The following KIAA1671 variants were observed in gnomAD, a reference collection of about 807,000 sequenced individuals.
KIAA1671 encodes uncharacterized protein KIAA1671.
In KIAA1671, 52 loss-of-function variants were observed where a neutral mutation model predicts 131.2. The ratio of observed to expected loss-of-function variants is 0.40; its 90% CI spans 0.32 to 0.50. KIAA1671 has a LOEUF of 0.50. Ranked by LOEUF, KIAA1671 falls within the 20% of genes least tolerant of loss-of-function variation. The probability of loss-of-function intolerance (pLI) is 0.73; values close to 1 mark genes in which losing one functional copy is unlikely to be tolerated. For missense variants in KIAA1671, 2,360 were observed against 2,364.2 expected (o/e 1.00, Z 0.04); for synonymous variants, 1,003 against 961.6 (o/e 1.04, Z -0.80).
chr22:25,000,209 T>TAA (rs1241803812), intron 1 of KIAA1671, among the ~76,000 whole-genome samples: 6 of 72,268 alleles, frequency 8.3e-5, no homozygotes, highest in Non-Finnish European at 1.2e-4. Context: ...TTTTTTTTTT[T>TAA]TTGAGACGGA....
At chr22:25,189,126 C>CTTTTTTTTTTTTTTTTTTT (rs200226589) in intron 11 of KIAA1671, among the ~76,000 whole-genome samples, 28 of 114,858 alleles carry the variant, frequency 2.4e-4, no homozygotes, top group African/African-American at 4.0e-4. Flanking sequence ...CAGTCTTTTT[C>CTTTTTTTTTTTTTTTTTTT]TTTTTTTTTT....
intron 5 of KIAA1671, among the ~76,000 whole-genome samples, chr22:25,048,570 C>A (rs547875145): frequency 6.6e-6 from 1 of 152,084 alleles, no homozygotes; most frequent in Non-Finnish European, 1.5e-5. Flanking sequence ...TCCTTGTCCA[C>A]GCAGGGAGAG....
At chr22:24,974,264 G>T (rs757969977) in intron 1 of KIAA1671, among the ~76,000 whole-genome samples, 1 of 152,144 alleles carries the variant, frequency 6.6e-6, no homozygotes, top group Non-Finnish European at 1.5e-5. Flanking sequence ...CATTGGGCAG[G>T]TCTCACCCCC....
At chr22:24,994,750 A>C (rs2123852158) in intron 1 of KIAA1671, among the ~76,000 whole-genome samples, 1 of 152,256 alleles carries the variant, frequency 6.6e-6, no homozygotes, top group Admixed American at 6.5e-5. Flanking sequence ...CTCTTTAGGC[A>C]TGTAAGGATC....
In KIAA1671 at chr22:25,197,192, C is replaced by T. The variant is rs541254835; in HGVS notation, c.*4791C>T. ...TCCAGTCCCAGAAAGAATCTCTAAC[C>T]GTGTGACTGAGAAGTCATCTAGAAA... On this transcript the variant is annotated 3_prime_UTR_variant, in exon 13 of 13. Coordinates refer to ENST00000358431, the MANE Select transcript of KIAA1671 (RefSeq NM_001145206.2). 2.6e-5 allele frequency: 4 copies of T among 152,150 alleles called. No individual in the cohort carries two copies. The highest frequency in any genetic ancestry group is 4.8e-5 in the African/African-American group (2 of 41,428). 9.4% of individuals were successfully genotyped at this position (152,150 alleles called of 1,614,324 possible).
chr22:24,957,666 T>C (rs538032168), intron 1 of KIAA1671, among the ~76,000 whole-genome samples: 100 of 147,118 alleles, frequency 6.8e-4, no homozygotes, highest in African/African-American at 2.1e-3. Flanking sequence ...TAAGCTCTTT[T>C]GTTCCTTTTT....
chr22:25,113,985 C>G (rs1931524897), intron 6 of KIAA1671, among the ~76,000 whole-genome samples: 1 of 152,180 alleles, frequency 6.6e-6, no homozygotes, highest in Non-Finnish European at 1.5e-5. Flanking sequence ...TCTTTCCCCA[C>G]CCTGGGGAGT....
rs2145793810 is a variant in KIAA1671, at chr22:25,032,627, C to T, written c.1560C>T (p.Ser520=). The change falls in exon 4 of 13, where the codon TCC becomes TCT. Residue 520 remains serine, a synonymous_variant. Transcript: ENST00000358431. ...GTACCAGGTTTTCAAGTTCAGCTTC[C>T]AGCAACGAAGTCAAATATGAGAAGA... ...DLTKLFSSSA[S]SNEVKYEKSA... is the part of the protein sequence containing the mutation. The T allele has an allele frequency of 6.5e-7, 1 of 1,545,502 alleles. No homozygotes were observed. Among genetic ancestry groups the T allele is most frequent in the Non-Finnish European group, 8.8e-7 (1 of 1,142,124 alleles).
intron 6 of KIAA1671, chr22:25,112,049 A>AT (rs3830744): frequency 3.5e-5 from 14 of 396,388 alleles, no homozygotes; most frequent in East Asian, 1.8e-4. Flanking sequence ...GCTGTTTTTA[A>AT]TTTTTTTTCC....
chr22:25,125,032 T>G (rs1431653803), intron 6 of KIAA1671, among the ~76,000 whole-genome samples: 1 of 152,240 alleles, frequency 6.6e-6, no homozygotes. Flanking sequence ...GTGCTGGGAT[T>G]ACAGGCATGA....
chr22:24,994,345 C>T (rs1923996106), intron 1 of KIAA1671, among the ~76,000 whole-genome samples: 1 of 152,054 alleles, frequency 6.6e-6, no homozygotes, highest in East Asian at 1.9e-4. Flanking sequence ...TGGCAGTGTA[C>T]CATTAGGGTG....
chr22:25,123,604 G>A lies in KIAA1671; in HGVS notation c.4531-47216G>A, dbSNP rs541315418. Among the ~76,000 whole-genome samples the A allele has an allele frequency of 2.6e-5, 4 of 152,296 alleles. No individual in the cohort carries two copies. In the East Asian group the frequency reaches 7.7e-4, roughly 29 times the overall value. ...GAGGACCCTCAAGCAGCCCTGTAGA[G>A]AGGCCCATATGGTGAGGAACTGAAG... is the stretch of plus-strand genomic sequence containing the variant. On this transcript the variant is annotated intron_variant, in intron 6 of 12. Transcript: ENST00000358431.
intron 1 of KIAA1671, among the ~76,000 whole-genome samples, chr22:24,989,314 G>A (rs1923712734): frequency 6.6e-6 from 1 of 152,148 alleles, no homozygotes; most frequent in South Asian, 2.1e-4. Flanking sequence ...TCCCCACTGG[G>A]TGCCTGGTGT....
At chr22:25,137,157 C>A (rs1486088351) in intron 6 of KIAA1671, among the ~76,000 whole-genome samples, 1 of 152,196 alleles carries the variant, frequency 6.6e-6, no homozygotes, top group Non-Finnish European at 1.5e-5. Flanking sequence ...TCTAAGCTCA[C>A]TTCTGTAATT....
intron 8 of KIAA1671, chr22:25,176,615 G>C (rs11703629): frequency 1.3e-5 from 2 of 152,052 alleles, no homozygotes; most frequent in Admixed American, 6.5e-5. Context: ...ACCAGGATTC[G>C]AACCCAGCAG....
intron 6 of KIAA1671, among the ~76,000 whole-genome samples, chr22:25,130,842 CAG>C (rs1932412682): frequency 6.6e-6 from 1 of 152,196 alleles, no homozygotes; most frequent in African/African-American, 2.4e-5. Context: ...GCCTGAATGT[CAG>C]GGGCAAGGCA....
Position 25,029,240 on chromosome 22 carries a change from C to G in KIAA1671, c.1241C>G (p.Ala414Gly), listed in dbSNP as rs371845250. Residue 414 changes from alanine to glycine, a missense_variant, in exon 3 of 13, where the codon GCT becomes GGT. Ala to Gly is a moderately conservative substitution (Grantham distance 60). Coordinates refer to ENST00000358431, the MANE Select transcript of KIAA1671 (RefSeq NM_001145206.2). ...AGGCTGGGAAGGGGCCTAGAACTTG[C>G]TGAGGTTAAGAGCAGAGTGGCGGAT... ...SPRLGRGLEL[A>G]EVKSRVADGE... 509 of 1,475,912 alleles carry G rather than the reference C, an allele frequency of 3.4e-4. 3 individuals carry two copies. The African/African-American group carries it at 5.7e-3, about 17-fold the overall frequency. 91.4% of individuals were successfully genotyped at this position (1,475,912 alleles called of 1,614,324 possible).
At chr22:25,161,748 C>A (rs1933451222) in intron 6 of KIAA1671, among the ~76,000 whole-genome samples, 1 of 152,152 alleles carries the variant, frequency 6.6e-6, no homozygotes, top group Non-Finnish European at 1.5e-5. Flanking sequence ...CCTTGGTCTC[C>A]AGCCCCTCCC....
At chr22:25,137,984 T>C (rs1472297534) in intron 6 of KIAA1671, among the ~76,000 whole-genome samples, 1 of 152,242 alleles carries the variant, frequency 6.6e-6, no homozygotes, top group African/African-American at 2.4e-5. Context: ...TGAATGGCTG[T>C]CCTGCAGTAG....
Sources: allele counts gnomAD v4.1 joint callset (sites outside exome capture counted in the v4.1 genomes callset), GRCh38; gene constraint gnomAD v4.1.1; transcripts MANE v1.5; gene names NCBI Gene and HGNC (gene_info 2026-07-23, HGNC 2026-07-21).